The following MCTP1 variants were observed in gnomAD, a reference collection of about 807,000 sequenced individuals.
The protein encoded by MCTP1 is multiple C2 and transmembrane domain containing 1, also known as multiple C2 and transmembrane domain-containing protein 1.
Under a neutral mutation model 120.6 loss-of-function variants are expected in MCTP1, and 69 were observed. That is an observed-to-expected ratio of 0.57 (90% CI 0.47 to 0.70). The LOEUF is 0.70. Ranked by LOEUF, MCTP1 falls within the 30% of genes least tolerant of loss-of-function variation. The pLI is 0.00. For synonymous variants in MCTP1, 529 were observed against 493.1 expected, an observed-to-expected ratio of 1.07 and a Z score of -0.96; for missense variants, 1,203 against 1,248.8, an observed-to-expected ratio of 0.96 and a Z score of 0.55.
chr5:94,895,450 C>G (rs185855421), intron 10 of MCTP1, among the ~76,000 whole-genome samples: 78 of 152,240 alleles, frequency 5.1e-4, no homozygotes, highest in African/African-American at 1.8e-3. Context: ...GCAGTGCCTG[C>G]TCTGTATGCC....
At chr5:95,147,371 C>T (rs747405689) in intron 1 of MCTP1, among the ~76,000 whole-genome samples, 7 of 152,198 alleles carry the variant, frequency 4.6e-5, no homozygotes, top group Non-Finnish European at 8.8e-5. Context: ...CAGGCGTGAG[C>T]CACCGCGCCC....
At chr5:94,866,336 T>C (rs1041865489) in intron 17 of MCTP1, among the ~76,000 whole-genome samples, 1 of 151,874 alleles carries the variant, frequency 6.6e-6, no homozygotes. Context: ...AGTGCAGGTC[T>C]AATAAATGAC....
rs553491349 is a variant in MCTP1, at chr5:94,749,735, T to C, written c.2610+29375A>G. Among the ~76,000 whole-genome samples, 139 of 147,646 alleles carry C rather than the reference T, an allele frequency of 9.4e-4. 1 individual carries two copies. Among genetic ancestry groups the C allele is most frequent in the African/African-American group, 3.0e-3 (120 of 39,864 alleles). ...TACTTTTCCCAAATTTCAGAATCTA[T>C]AGTTATTGGTATTAAGTGAATAATG... On this transcript the variant is annotated intron_variant, in intron 19 of 22. Transcript: ENST00000515393.
intron 1 of MCTP1, among the ~76,000 whole-genome samples, chr5:95,202,911 T>C (rs751062102): frequency 6.6e-6 from 1 of 152,020 alleles, no homozygotes; most frequent in Non-Finnish European, 1.5e-5. Context: ...GTATTTTTGG[T>C]ACAGACGGGG....
chr5:95,054,733 G>A (rs914737124), intron 1 of MCTP1, among the ~76,000 whole-genome samples: 7 of 152,128 alleles, frequency 4.6e-5, no homozygotes, highest in East Asian at 1.9e-4. Flanking sequence ...TCAGAAAGCT[G>A]GCCATCTACT....
At chr5:95,199,986 C>A (rs928255127) in intron 1 of MCTP1, among the ~76,000 whole-genome samples, 2 of 151,780 alleles carry the variant, frequency 1.3e-5, no homozygotes, top group Non-Finnish European at 2.9e-5. Context: ...CATGGTGAAA[C>A]CTCGTCTCTA....
intron 2 of MCTP1, chr5:94,979,056 A>C (rs1378953280): frequency 6.6e-6 from 1 of 152,020 alleles, no homozygotes; most frequent in Admixed American, 6.6e-5. Context: ...CATTTCAGAC[A>C]TGGCCATAGA....
chr5:94,892,334 A>C (rs1053836652), intron 11 of MCTP1, among the ~76,000 whole-genome samples: 1 of 152,204 alleles, frequency 6.6e-6, no homozygotes, highest in African/African-American at 2.4e-5. Context: ...GTGAAATGTC[A>C]TAATAAAAAT....
chr5:95,210,749 C>T (rs1432238353), intron 1 of MCTP1, among the ~76,000 whole-genome samples: 1 of 151,700 alleles, frequency 6.6e-6, no homozygotes, highest in Non-Finnish European at 1.5e-5. Context: ...CTCGTTAGTT[C>T]ACGCAGTTTC....
At chr5:94,900,340 G>A (rs74494585) in intron 10 of MCTP1, among the ~76,000 whole-genome samples, 5,872 of 152,226 alleles carry the variant, frequency 0.039, 320 homozygotes, top group African/African-American at 0.12. Flanking sequence ...TTCTCAGCAC[G>A]TGGCACACCA....
chr5:94,961,541 A>G (rs555509874), intron 2 of MCTP1, among the ~76,000 whole-genome samples: 2 of 152,296 alleles, frequency 1.3e-5, no homozygotes, highest in African/African-American at 2.4e-5. Flanking sequence ...TTTCTACTAC[A>G]CCTACAAAAA....
chr5:94,928,073 A>T (rs1357554875), intron 6 of MCTP1, among the ~76,000 whole-genome samples: 1 of 152,136 alleles, frequency 6.6e-6, no homozygotes, highest in Non-Finnish European at 1.5e-5. Context: ...TTATTGTCAA[A>T]AATATGAATT....
chr5:94,968,260 A>G (rs879766990), intron 2 of MCTP1, among the ~76,000 whole-genome samples: 1 of 152,182 alleles, frequency 6.6e-6, no homozygotes, highest in Non-Finnish European at 1.5e-5. Context: ...ACTGGTTTAG[A>G]AGAAAATTAA....
chr5:95,264,701 C>T (rs1199279901), intron 1 of MCTP1, among the ~76,000 whole-genome samples: 2 of 152,216 alleles, frequency 1.3e-5, no homozygotes, highest in Admixed American at 6.5e-5. Flanking sequence ...CCCCTGGCCA[C>T]AGTGGACAGA....
chr5:95,081,651 TAAG>T, intron 1 of MCTP1: 14 of 1,328,874 alleles, frequency 1.1e-5, no homozygotes, highest in Non-Finnish European at 1.3e-5. Flanking sequence ...GGAATGAAAG[TAAG>T]AAGAACCCGT....
At chr5:95,067,048 G>A (rs768584317) in intron 1 of MCTP1, among the ~76,000 whole-genome samples, 5 of 151,270 alleles carry the variant, frequency 3.3e-5, no homozygotes, top group Non-Finnish European at 4.4e-5. Context: ...CCGTTCCTGA[G>A]AGACCATGGA....
chr5:95,275,946 G>A (rs935540004), intron 1 of MCTP1, among the ~76,000 whole-genome samples: 1 of 152,182 alleles, frequency 6.6e-6, no homozygotes, highest in Non-Finnish European at 1.5e-5. Flanking sequence ...CATGTGAGAT[G>A]TTTAAAAATA....
intron 1 of MCTP1, among the ~76,000 whole-genome samples, chr5:95,133,294 C>T (rs1488354516): frequency 2.6e-5 from 4 of 152,104 alleles, no homozygotes; most frequent in Non-Finnish European, 5.9e-5. Context: ...TATGTTCTTT[C>T]CTATACAAAG....
At chr5:94,754,815 C>T (rs1283530916) in intron 19 of MCTP1, among the ~76,000 whole-genome samples, 2 of 152,206 alleles carry the variant, frequency 1.3e-5, no homozygotes, top group African/African-American at 2.4e-5. Flanking sequence ...TTTGACCTTT[C>T]CCTTGCCTAC....
Sources: allele counts gnomAD v4.1 joint callset (sites outside exome capture counted in the v4.1 genomes callset), GRCh38; gene constraint gnomAD v4.1.1; transcripts MANE v1.5; gene names NCBI Gene and HGNC (gene_info 2026-07-23, HGNC 2026-07-21).